The following PRKCA variants were observed in gnomAD, a reference collection of about 807,000 sequenced individuals.
The protein encoded by PRKCA is protein kinase C alpha type.
In PRKCA, 27 loss-of-function variants were observed where a neutral mutation model predicts 87.0. That is an observed-to-expected ratio of 0.31 (90% CI 0.23 to 0.43). The LOEUF (loss-of-function observed/expected upper bound fraction) is 0.43. Among genes scored for constraint, PRKCA ranks in the 20% least tolerant of loss-of-function variants. The probability of loss-of-function intolerance (pLI) is 1.00; values close to 1 mark genes in which losing one functional copy is unlikely to be tolerated. For missense variants in PRKCA, 518 were observed against 852.3 expected, an observed-to-expected ratio of 0.61 and a Z score of 4.88; for synonymous variants, 329 against 311.1, an observed-to-expected ratio of 1.06 and a Z score of -0.61.
At chr17:66,580,895 G>A (rs1426021998) in intron 3 of PRKCA, among the ~76,000 whole-genome samples, 1 of 151,524 alleles carries the variant, frequency 6.6e-6, no homozygotes. Flanking sequence ...CATACAATGT[G>A]TAGAGAGGAT....
chr17:66,435,624 A>G (rs1379477194), intron 2 of PRKCA, among the ~76,000 whole-genome samples: 1 of 152,150 alleles, frequency 6.6e-6, no homozygotes, highest in African/African-American at 2.4e-5. Flanking sequence ...GGGGAGAAAA[A>G]GTGTTATATA....
intron 3 of PRKCA, among the ~76,000 whole-genome samples, chr17:66,550,808 C>T (rs115572042): frequency 0.014 from 2,124 of 152,238 alleles, 48 homozygotes; most frequent in African/African-American, 0.047. Flanking sequence ...GGAAAGGAAG[C>T]GACACATTCG....
intron 16 of PRKCA, among the ~76,000 whole-genome samples, chr17:66,798,392 GTGGTGGTGGTGGTGATGGTGA>G (rs1568040635): frequency 4.3e-5 from 5 of 117,268 alleles, no homozygotes; most frequent in African/African-American, 8.0e-5. Context: ...GGTGGTGGTG[GTGGTGGTGGTGGTGATGGTGA>G]TGGTGGTGGT....
At chr17:66,584,804 A>G (rs1021848652) in intron 3 of PRKCA, among the ~76,000 whole-genome samples, 12 of 152,234 alleles carry the variant, frequency 7.9e-5, no homozygotes, top group Admixed American at 3.9e-4. Context: ...GGCCTACCCT[A>G]AATCCAGGAT....
intron 3 of PRKCA, among the ~76,000 whole-genome samples, chr17:66,569,035 A>G (rs577363003): frequency 6.6e-6 from 1 of 152,322 alleles, no homozygotes; most frequent in Non-Finnish European, 1.5e-5. Flanking sequence ...ACAAAAACCA[A>G]TTACAGATAG....
At chr17:66,635,036 G>A (rs555233557) in intron 3 of PRKCA, among the ~76,000 whole-genome samples, 2 of 152,332 alleles carry the variant, frequency 1.3e-5, no homozygotes, top group African/African-American at 4.8e-5. Context: ...ATTGACATCT[G>A]GAGAGACTTC....
At chr17:66,457,741 T>G (rs1914634424) in intron 2 of PRKCA, among the ~76,000 whole-genome samples, 1 of 152,118 alleles carries the variant, frequency 6.6e-6, no homozygotes. Context: ...AAGGACATGT[T>G]TGCTTCTCCT....
At chr17:66,318,451 A>T (rs1398365704) in intron 2 of PRKCA, among the ~76,000 whole-genome samples, 1 of 151,834 alleles carries the variant, frequency 6.6e-6, no homozygotes, top group Admixed American at 6.6e-5. Flanking sequence ...ACCATAGCAC[A>T]TGCTGGTATT....
chr17:66,777,839 G>A, intron 14 of PRKCA: 1 of 985,404 alleles, frequency 1.0e-6, no homozygotes, highest in East Asian at 1.1e-4. Context: ...CAGGAGACAA[G>A]AATTTCAGAA....
chr17:66,337,457 A>G (rs1228130637), intron 2 of PRKCA, among the ~76,000 whole-genome samples: 1 of 152,072 alleles, frequency 6.6e-6, no homozygotes, highest in East Asian at 1.9e-4. Context: ...TGGCATTATC[A>G]TGGCACACCA....
chr17:66,675,602 G>A (rs1242173496), intron 5 of PRKCA, among the ~76,000 whole-genome samples: 2 of 152,192 alleles, frequency 1.3e-5, no homozygotes, highest in Non-Finnish European at 2.9e-5. Flanking sequence ...CAAAACTGCA[G>A]TGTTGTATTA....
intron 5 of PRKCA, among the ~76,000 whole-genome samples, chr17:66,655,707 C>CGAT (rs149408133): frequency 6.6e-4 from 101 of 152,060 alleles, no homozygotes; most frequent in African/African-American, 2.1e-3. Flanking sequence ...TCTGTTGAGC[C>CGAT]GATGATGATG....
At chr17:66,376,321 G>A (rs1909412428) in intron 2 of PRKCA, among the ~76,000 whole-genome samples, 1 of 152,082 alleles carries the variant, frequency 6.6e-6, no homozygotes, top group Admixed American at 6.6e-5. Flanking sequence ...AAGAACAGGT[G>A]GTCTGGCCTG....
intron 2 of PRKCA, among the ~76,000 whole-genome samples, chr17:66,451,589 C>T (rs1363968596): frequency 2.0e-5 from 3 of 151,970 alleles, no homozygotes; most frequent in Admixed American, 6.5e-5. Flanking sequence ...AAGGGTTGAC[C>T]GGGTATTTTG....
At chr17:66,630,713 C>T (rs1035554822) in intron 3 of PRKCA, among the ~76,000 whole-genome samples, 1 of 152,162 alleles carries the variant, frequency 6.6e-6, no homozygotes, top group Non-Finnish European at 1.5e-5. Flanking sequence ...TGCTTTGTTG[C>T]TGAGCTAAAA....
At chr17:66,691,891 A>C (rs9896076) in intron 8 of PRKCA, among the ~76,000 whole-genome samples, 2 of 152,136 alleles carry the variant, frequency 1.3e-5, no homozygotes, top group African/African-American at 2.4e-5. Flanking sequence ...TTTGTGCTTC[A>C]TTGTCGTGGC....
At chr17:66,666,213 A>G (rs905249701) in intron 5 of PRKCA, among the ~76,000 whole-genome samples, 5 of 152,240 alleles carry the variant, frequency 3.3e-5, no homozygotes, top group African/African-American at 1.2e-4. Flanking sequence ...CCTACAGACA[A>G]ACCTGAGGGG....
At chr17:66,740,320 C>T (rs1974129880) in intron 11 of PRKCA, among the ~76,000 whole-genome samples, 1 of 152,110 alleles carries the variant, frequency 6.6e-6, no homozygotes, top group East Asian at 1.9e-4. Context: ...AACATCATCT[C>T]ACCTCTCAGG....
chr17:66,415,868 A>G (rs1912116476), intron 2 of PRKCA: 1 of 152,232 alleles, frequency 6.6e-6, no homozygotes, highest in Non-Finnish European at 1.5e-5. Flanking sequence ...TGCCTGGCAC[A>G]TAAGCACTCA....
Sources: allele counts gnomAD v4.1 joint callset (sites outside exome capture counted in the v4.1 genomes callset), GRCh38; gene constraint gnomAD v4.1.1; transcripts MANE v1.5; gene names NCBI Gene and HGNC (gene_info 2026-07-23, HGNC 2026-07-21).